The following ARHGAP17 variants were observed in gnomAD, a reference collection of about 807,000 sequenced individuals.
ARHGAP17 encodes the protein Rho GTPase activating protein 17.
ARHGAP17 carries 57 observed loss-of-function variants against 99.5 expected under a neutral mutation model. That is an observed-to-expected ratio of 0.57 (90% CI 0.46 to 0.71). The LOEUF is 0.71. Among genes scored for constraint, ARHGAP17 ranks in the 30% least tolerant of loss-of-function variants. ARHGAP17 has a pLI of 0.00. For synonymous variants in ARHGAP17, 417 were observed against 429.6 expected, an observed-to-expected ratio of 0.97 and a Z score of 0.36; for missense variants, 1,000 against 1,122.4, an observed-to-expected ratio of 0.89 and a Z score of 1.56.
At chr16:24,980,736 C>T (rs2052651686) in intron 1 of ARHGAP17, among the ~76,000 whole-genome samples, 1 of 152,152 alleles carries the variant, frequency 6.6e-6, no homozygotes, top group South Asian at 2.1e-4. Context: ...TAGACGCCCC[C>T]ATTCCTCTCG....
intron 3 of ARHGAP17, among the ~76,000 whole-genome samples, chr16:24,974,203 G>A (rs1010930585): frequency 2.6e-5 from 4 of 152,240 alleles, no homozygotes; most frequent in African/African-American, 9.6e-5. Flanking sequence ...GGCCGAGGAG[G>A]GAGGATCACT....
At chr16:24,973,653 C>T (rs931470031) in intron 3 of ARHGAP17, among the ~76,000 whole-genome samples, 5 of 152,234 alleles carry the variant, frequency 3.3e-5, no homozygotes, top group African/African-American at 9.6e-5. Flanking sequence ...AACTACCTCC[C>T]TCTTCCTCTG....
At chr16:24,926,284 A>G (rs112428393) in intron 19 of ARHGAP17, among the ~76,000 whole-genome samples, 4,597 of 152,016 alleles carry the variant, frequency 0.03, 217 homozygotes, top group African/African-American at 0.1. Flanking sequence ...TATTTGAGAC[A>G]GAGTCTCACT....
intron 19 of ARHGAP17, among the ~76,000 whole-genome samples, chr16:24,925,725 C>T (rs771010920): frequency 3.3e-5 from 5 of 152,048 alleles, no homozygotes; most frequent in South Asian, 2.1e-4. Flanking sequence ...CACATGAGAA[C>T]GAGCATATGA....
chr16:24,952,912 G>T lies in ARHGAP17; in HGVS notation c.964+19C>A, dbSNP rs1463445317. 1 of 1,610,174 alleles carries T rather than the reference G, an allele frequency of 6.2e-7. No individual in the cohort carries two copies. ...CGCCTTGAGGGTGACTTGATTTGCAGACACTCTTTGGCGCTCACCTGCTAC... is the reference window on the plus strand; with the variant it reads ...CGCCTTGAGGGTGACTTGATTTGCATACACTCTTTGGCGCTCACCTGCTAC... On this transcript the variant is annotated intron_variant, in intron 11 of 19. Transcript: ENST00000289968.
At position 24,952,384 on chromosome 16, in the gene ARHGAP17, C is replaced by G; in HGVS notation, c.965-14G>C. 6.2e-7 allele frequency: 1 copy of G among 1,604,056 alleles called. No homozygotes were observed. The highest frequency in any genetic ancestry group is 8.5e-7 in the Non-Finnish European group (1 of 1,172,090). ...ATTTTAAAGCACCTGAAATCATTAA[C>G]ACTCTCTTTGAGTATGAAAAAGGGG... On this transcript the variant is annotated splice_polypyrimidine_tract_variant and intron_variant, in intron 11 of 19. Transcript: ENST00000289968.
intron 19 of ARHGAP17, among the ~76,000 whole-genome samples, chr16:24,924,272 C>T (rs1352380332): frequency 2.0e-5 from 3 of 152,090 alleles, no homozygotes; most frequent in African/African-American, 7.2e-5. Flanking sequence ...TCTTTAAACA[C>T]CTCTAAACGT....
intron 1 of ARHGAP17, among the ~76,000 whole-genome samples, chr16:24,980,515 C>T (rs953075859): frequency 6.6e-6 from 1 of 152,130 alleles, no homozygotes; most frequent in African/African-American, 2.4e-5. Context: ...AAGGTTCCAC[C>T]AGCAACAGGC....
chr16:24,941,394 G>GA (rs1435627521), intron 16 of ARHGAP17, among the ~76,000 whole-genome samples: 1 of 152,126 alleles, frequency 6.6e-6, no homozygotes, highest in Non-Finnish European at 1.5e-5. Flanking sequence ...AATCACCCTT[G>GA]AAAATCCCAT....
chr16:24,947,575 G>A lies in ARHGAP17; in HGVS notation c.1148C>T (p.Ala383Val). The A allele has an allele frequency of 6.2e-7, 1 of 1,612,096 alleles. No homozygotes were observed. The highest frequency in any genetic ancestry group is 8.5e-7 in the Non-Finnish European group (1 of 1,179,934). The change falls in exon 14 of 20, where the codon GCA becomes GTA. Residue 383 changes from alanine to valine, a missense_variant. Transcript: ENST00000289968. ...CACATCGCTGGTCTGAGCAAGCTTT[G>A]CAAGGAACTTGATCAAATATCTAGG... ...VNFRYLIKFL[A>V]KLAQTSDVNK...
At chr16:24,962,462 A>T (rs1567233595) in intron 7 of ARHGAP17, among the ~76,000 whole-genome samples, 1 of 152,250 alleles carries the variant, frequency 6.6e-6, no homozygotes, top group Non-Finnish European at 1.5e-5. Context: ...ATTGGCCAAG[A>T]GATTTCACAA....
At chr16:25,010,950 A>C (rs1017623547) in intron 1 of ARHGAP17, among the ~76,000 whole-genome samples, 18 of 152,368 alleles carry the variant, frequency 1.2e-4, no homozygotes, top group Non-Finnish European at 1.5e-4. Flanking sequence ...CAGTCAGGGA[A>C]GAAATCAACA....
chr16:25,015,282 C>A lies in ARHGAP17; in HGVS notation c.-21G>T. 1 of 1,329,602 alleles carries A rather than the reference C, an allele frequency of 7.5e-7. No homozygotes were observed. The highest frequency in any genetic ancestry group is 9.7e-7 in the Non-Finnish European group (1 of 1,030,164). 82.4% of individuals were successfully genotyped at this position (1,329,602 alleles called of 1,614,324 possible). On this transcript the variant is annotated 5_prime_UTR_variant, in exon 1 of 20. Transcript: ENST00000289968. Reference sequence around the variant, plus strand: ...TTCATGGCGGCGGTGGCGGCGGCGGCCCGCGGGGCTCGGGCCGGGCAGGGC... The same window carrying A: ...TTCATGGCGGCGGTGGCGGCGGCGGACCGCGGGGCTCGGGCCGGGCAGGGC...
intron 19 of ARHGAP17, among the ~76,000 whole-genome samples, chr16:24,922,702 G>T (rs1597348723): frequency 6.6e-6 from 1 of 152,006 alleles, no homozygotes; most frequent in Non-Finnish European, 1.5e-5. Flanking sequence ...TTGAGATGGG[G>T]TCTTGCTCTT....
Position 24,932,775 on chromosome 16 carries a change from A to C in ARHGAP17, c.1895-1371T>G, listed in dbSNP as rs573861901. ...TGATGAGGGCAGGAGGGAAAACAAC[A>C]GATCTGGGGCTCTGGTTTTGGGCTG... On this transcript the variant is annotated intron_variant, in intron 18 of 19. Transcript: ENST00000289968. 2.0e-5 allele frequency among the ~76,000 whole-genome samples: 3 copies of C among 152,094 alleles called. No individual in the cohort carries two copies. In the South Asian group the frequency reaches 6.2e-4, roughly 32 times the overall value.
intron 3 of ARHGAP17, among the ~76,000 whole-genome samples, chr16:24,971,166 A>G (rs1024905460): frequency 1.3e-5 from 2 of 151,906 alleles, no homozygotes; most frequent in African/African-American, 2.4e-5. Flanking sequence ...CATCACGCCC[A>G]GCCTGTTCAT....
At chr16:24,992,604 G>A (rs1166081417) in intron 1 of ARHGAP17, among the ~76,000 whole-genome samples, 1 of 152,130 alleles carries the variant, frequency 6.6e-6, no homozygotes, top group African/African-American at 2.4e-5. Flanking sequence ...AAAGTGTTGG[G>A]ATTACAGGCG....
chr16:25,012,362 A>G (rs1475386925), intron 1 of ARHGAP17, among the ~76,000 whole-genome samples: 1 of 152,202 alleles, frequency 6.6e-6, no homozygotes, highest in African/African-American at 2.4e-5. Context: ...GGAACCTTAC[A>G]GTGAAAGTAC....
chr16:24,953,937 C>A (rs572062179), intron 10 of ARHGAP17, among the ~76,000 whole-genome samples: 1 of 152,144 alleles, frequency 6.6e-6, no homozygotes, highest in East Asian at 1.9e-4. Flanking sequence ...ATCTGAGCGC[C>A]GACTCCATGG....
Sources: allele counts gnomAD v4.1 joint callset (sites outside exome capture counted in the v4.1 genomes callset), GRCh38; gene constraint gnomAD v4.1.1; transcripts MANE v1.5; gene names NCBI Gene and HGNC (gene_info 2026-07-23, HGNC 2026-07-21).